The following AP4E1 variants were observed in gnomAD, a reference collection of about 807,000 sequenced individuals.
AP4E1 encodes the protein adaptor related protein complex 4 subunit epsilon 1.
A neutral mutation model predicts 128.2 loss-of-function variants in AP4E1; 56 were observed. The observed-to-expected ratio is 0.44, with a 90% CI of 0.35 to 0.55. The LOEUF is 0.55. AP4E1 is among the 20% of genes least tolerant of loss of function. The pLI, the probability that AP4E1 is intolerant of heterozygous loss-of-function variation, is 0.00. For synonymous variants in AP4E1, 484 were observed against 473.1 expected (o/e 1.02, Z -0.30); for missense variants, 1,324 against 1,307.7 (o/e 1.01, Z -0.19).
In AP4E1 at chr15:50,924,023, G is replaced by A; in HGVS notation, c.420+19G>A. On this transcript the variant is annotated intron_variant, in intron 4 of 20. Coordinates refer to ENST00000261842, the MANE Select transcript of AP4E1 (RefSeq NM_007347.5). The stretch of plus-strand genomic sequence containing the variant: ...TGTAAAGGTATTGTATTGTATGTTG[G>A]TTAATATGAAGTCATAATTCTTGTC... 7.6e-6 allele frequency: 12 copies of A among 1,578,482 alleles called. No individual in the cohort carries two copies. Among genetic ancestry groups the A allele is most frequent in the Non-Finnish European group, 1.0e-5 (12 of 1,148,270 alleles).
intron 2 of AP4E1, among the ~76,000 whole-genome samples, chr15:50,912,689 G>T (rs1407766867): frequency 1.4e-5 from 2 of 146,988 alleles, no homozygotes; most frequent in South Asian, 2.1e-4. Flanking sequence ...ACGGAGTCTC[G>T]CTCTGTTGCC....
intron 14 of AP4E1, among the ~76,000 whole-genome samples, chr15:50,961,197 A>T (rs961093298): frequency 6.6e-6 from 1 of 151,954 alleles, no homozygotes; most frequent in Non-Finnish European, 1.5e-5. Flanking sequence ...ACTAGCACCA[A>T]CTCTTCTTAA....
intron 15 of AP4E1, among the ~76,000 whole-genome samples, chr15:50,981,091 T>G (rs2064637473): frequency 6.6e-6 from 1 of 151,714 alleles, no homozygotes; most frequent in South Asian, 2.1e-4. Flanking sequence ...GGGAGTGGGG[T>G]CACTCCTGAG....
At chr15:50,959,798 G>A (rs1293415434) in intron 14 of AP4E1, among the ~76,000 whole-genome samples, 1 of 152,118 alleles carries the variant, frequency 6.6e-6, no homozygotes, top group Non-Finnish European at 1.5e-5. Flanking sequence ...AACCTTTAAT[G>A]AAAACAGTTT....
chr15:50,909,298 CG>C (rs1567203296), intron 1 of AP4E1, among the ~76,000 whole-genome samples: 1 of 152,198 alleles, frequency 6.6e-6, no homozygotes, highest in Admixed American at 6.5e-5. Context: ...ATACCTAGTG[CG>C]ATGGAAGTGT....
At chr15:50,959,000 T>C (rs1204457983) in intron 14 of AP4E1, among the ~76,000 whole-genome samples, 1 of 151,912 alleles carries the variant, frequency 6.6e-6, no homozygotes, top group Non-Finnish European at 1.5e-5. Flanking sequence ...TCACCTGAGG[T>C]TGGGAGTTTG....
intron 14 of AP4E1, among the ~76,000 whole-genome samples, chr15:50,959,480 A>G (rs2064280184): frequency 6.6e-6 from 1 of 152,196 alleles, no homozygotes; most frequent in South Asian, 2.1e-4. Flanking sequence ...TATACACAGC[A>G]TAAAGGAGAA....
At chr15:50,946,894 T>G (rs2414079) in intron 10 of AP4E1, among the ~76,000 whole-genome samples, 65,952 of 151,962 alleles carry the variant, frequency 0.43, 14,517 homozygotes, top group East Asian at 0.59. Context: ...GTAGCAGCTG[T>G]GCGCTGTGGC....
intron 15 of AP4E1, among the ~76,000 whole-genome samples, chr15:50,978,028 T>C (rs1288712052): frequency 6.6e-6 from 1 of 152,180 alleles, no homozygotes; most frequent in Non-Finnish European, 1.5e-5. Context: ...CTAATCTGAT[T>C]TCAGATTTCT....
chr15:50,911,857 G>A (rs1457014454), intron 1 of AP4E1, among the ~76,000 whole-genome samples: 1 of 152,186 alleles, frequency 6.6e-6, no homozygotes, highest in East Asian at 1.9e-4. Context: ...AAAGAGGAAG[G>A]ATGGGTTAGC....
chr15:50,924,543 G>A (rs1195863365), intron 4 of AP4E1, among the ~76,000 whole-genome samples: 1 of 152,064 alleles, frequency 6.6e-6, no homozygotes, highest in Non-Finnish European at 1.5e-5. Context: ...TCTTGTGTCA[G>A]TTTTTTGATA....
At position 50,950,269 on chromosome 15, in the gene AP4E1, C is replaced by T. The variant is rs972204725; in HGVS notation, c.1548+100C>T. 19 of 781,740 alleles carry T rather than the reference C, an allele frequency of 2.4e-5. 1 individual carries two copies. The highest frequency in any genetic ancestry group is 2.3e-4 in the African/African-American group (13 of 57,094). 48.4% of individuals were successfully genotyped at this position (781,740 alleles called of 1,614,324 possible). A position where few individuals can be genotyped will look rare whatever the true frequency, so the allele number is the denominator to read the frequency against. On this transcript the variant is annotated intron_variant, in intron 13 of 20. Coordinates refer to ENST00000261842, the MANE Select transcript of AP4E1 (RefSeq NM_007347.5). ...GAAACCATTCGCTTTACTCAGCTAA[C>T]TCCTTCAGCTGTCAATTTTTCAAAT... is the stretch of plus-strand genomic sequence containing the variant.
intron 7 of AP4E1, among the ~76,000 whole-genome samples, chr15:50,931,753 T>C (rs2063839403): frequency 6.6e-6 from 1 of 152,122 alleles, no homozygotes; most frequent in Admixed American, 6.5e-5. Flanking sequence ...CTTTTAATTT[T>C]TTTTCCAACT....
chr15:50,954,100 T>C (rs1391866489), intron 13 of AP4E1, among the ~76,000 whole-genome samples: 1 of 152,206 alleles, frequency 6.6e-6, no homozygotes, highest in Non-Finnish European at 1.5e-5. Flanking sequence ...ATTTCGATCT[T>C]GTATCCTACA....
At chr15:50,972,961 A>G (rs1437023384) in intron 15 of AP4E1, among the ~76,000 whole-genome samples, 1 of 152,218 alleles carries the variant, frequency 6.6e-6, no homozygotes, top group Non-Finnish European at 1.5e-5. Context: ...TCAACAAAAT[A>G]TCTGATGATT....
intron 14 of AP4E1, among the ~76,000 whole-genome samples, chr15:50,964,726 C>A (rs995542149): frequency 2.0e-5 from 3 of 152,026 alleles, no homozygotes; most frequent in Non-Finnish European, 2.9e-5. Flanking sequence ...CAGATGATTT[C>A]TTCAACTGTA....
At chr15:50,952,920 T>C (rs1350173489) in intron 13 of AP4E1, among the ~76,000 whole-genome samples, 2 of 152,150 alleles carry the variant, frequency 1.3e-5, no homozygotes, top group African/African-American at 4.8e-5. Context: ...ATTGTAAGTT[T>C]ATAAGTTTGG....
chr15:50,990,344 T>TTATTA (rs1555461844), intron 16 of AP4E1, among the ~76,000 whole-genome samples: 1 of 141,102 alleles, frequency 7.1e-6, no homozygotes, highest in Non-Finnish European at 1.5e-5. Flanking sequence ...ATTTATTTAA[T>TTATTA]TTATTATTAT....
In AP4E1 at chr15:50,958,625, T is replaced by C. The variant is rs370053432; in HGVS notation, c.1682T>C (p.Leu561Ser). 2.5e-6 allele frequency: 4 copies of C among 1,614,036 alleles called. No individual in the cohort carries two copies. In the African/African-American group the frequency reaches 4.0e-5, roughly 16 times the overall value. Reference protein sequence around the residue: ...KAWLIAAVTKLTSQAHSSNTV... With the variant: ...KAWLIAAVTKSTSQAHSSNTV... ...TGGTTAATTGCTGCTGTGACCAAAT[T>C]GACATCTCAGGCGCACTCTTCTAAT... Residue 561 changes from leucine to serine, a missense_variant, in exon 14 of 21, where the codon TTG becomes TCG. Transcript: ENST00000261842.
Sources: allele counts gnomAD v4.1 joint callset (sites outside exome capture counted in the v4.1 genomes callset), GRCh38; gene constraint gnomAD v4.1.1; transcripts MANE v1.5; gene names NCBI Gene and HGNC (gene_info 2026-07-23, HGNC 2026-07-21).